SYT1: variants seen among roughly 807,000 people sequenced by gnomAD.
The protein encoded by SYT1 is synaptotagmin-1.
Under a neutral mutation model 44.8 loss-of-function variants are expected in SYT1, and 8 were observed. The observed-to-expected ratio is 0.18, with a 90% CI of 0.10 to 0.32. The LOEUF (loss-of-function observed/expected upper bound fraction) is 0.32, where lower values mean the gene tolerates loss of function less well. Ranked by LOEUF, SYT1 falls within the 10% of genes least tolerant of loss-of-function variation. The probability of loss-of-function intolerance (pLI) is 1.00; values close to 1 mark genes in which losing one functional copy is unlikely to be tolerated. For synonymous variants in SYT1, 154 were observed against 188.8 expected (o/e 0.82, Z 1.51); for missense variants, 286 against 509.3 (o/e 0.56, Z 4.22).
At chr12:78,973,916 CAAAAAAAAAAAAA>C (rs1162433648) in intron 1 of SYT1, among the ~76,000 whole-genome samples, 103 of 9,034 alleles carry the variant, frequency 0.011, 1 homozygote, top group African/African-American at 0.043. Flanking sequence ...AGACGAACAC[CAAAAAAAAAAAAA>C]AAAAAAAAAA....
At chr12:79,268,507 G>A (rs564901036) in intron 4 of SYT1, among the ~76,000 whole-genome samples, 1 of 152,278 alleles carries the variant, frequency 6.6e-6, no homozygotes, top group East Asian at 1.9e-4. Flanking sequence ...AAATGGATGA[G>A]TGAATGAATG....
chr12:79,074,490 C>T (rs957826133), intron 3 of SYT1, among the ~76,000 whole-genome samples: 1 of 152,160 alleles, frequency 6.6e-6, no homozygotes, highest in Non-Finnish European at 1.5e-5. Flanking sequence ...CACCTTTATC[C>T]TCTCATTAAG....
Position 79,249,868 on chromosome 12 carries a change from C to A in SYT1, c.166+32183C>A, listed in dbSNP as rs150118029. On this transcript the variant is annotated intron_variant, in intron 4 of 10. Coordinates refer to ENST00000261205, the MANE Select transcript of SYT1 (RefSeq NM_005639.3). ...GAATGTAAAGTATCAAAGTTTTGAACCCCAACATCAGAAGTGAATCTCCAA... is the reference window on the plus strand; with the variant it reads ...GAATGTAAAGTATCAAAGTTTTGAAACCCAACATCAGAAGTGAATCTCCAA... Among the ~76,000 whole-genome samples the A allele has an allele frequency of 3.0e-3, 449 of 152,064 alleles. 3 individuals carry two copies. Among genetic ancestry groups the A allele is most frequent in the African/African-American group, 0.01 (423 of 41,478 alleles).
intron 1 of SYT1, among the ~76,000 whole-genome samples, chr12:78,898,956 A>G (rs551852698): frequency 3.9e-5 from 6 of 152,108 alleles, no homozygotes; most frequent in African/African-American, 1.4e-4. Flanking sequence ...ATATAAAATG[A>G]CCTGTTGGTT....
At chr12:78,865,931 AC>A (rs1452558089) in intron 1 of SYT1, among the ~76,000 whole-genome samples, 122 of 148,712 alleles carry the variant, frequency 8.2e-4, no homozygotes, top group African/African-American at 2.8e-3. Context: ...AAAAAAAAAA[AC>A]AATTAAAATA....
intron 3 of SYT1, among the ~76,000 whole-genome samples, chr12:79,107,191 A>G (rs919580248): frequency 7.2e-5 from 11 of 152,012 alleles, no homozygotes; most frequent in African/African-American, 2.4e-4. Context: ...TTTAAAACAT[A>G]AAGAGTTCAA....
At chr12:79,406,705 A>T (rs1319376608) in intron 9 of SYT1, among the ~76,000 whole-genome samples, 1 of 152,136 alleles carries the variant, frequency 6.6e-6, no homozygotes. Context: ...CAGTTCTGCT[A>T]CTTGATAGTG....
At chr12:79,403,654 AAGAG>A (rs141969640) in intron 9 of SYT1, among the ~76,000 whole-genome samples, 200 of 152,172 alleles carry the variant, frequency 1.3e-3, no homozygotes, top group African/African-American at 4.4e-3. Context: ...AGATATTAGA[AAGAG>A]AGAGAGAGAC....
At chr12:79,291,296 C>CA (rs1424541112) in intron 5 of SYT1, among the ~76,000 whole-genome samples, 1 of 152,124 alleles carries the variant, frequency 6.6e-6, no homozygotes, top group Admixed American at 6.6e-5. Context: ...GACAGAACTG[C>CA]AAACTTAACT....
rs181635711 is a variant in SYT1 at position 79,108,133 on chromosome 12, A to C, written c.-18+60771A>C. Among the ~76,000 whole-genome samples, 293 of 152,116 alleles carry C rather than the reference A, an allele frequency of 1.9e-3. 1 individual carries two copies. Among genetic ancestry groups the C allele is most frequent in the African/African-American group, 6.8e-3 (281 of 41,568 alleles). ...AAGAAAAAAGAGCAAAGATGAAGATATGCACCAAGCTGATAACAATATAAT... is the reference window on the plus strand; with the variant it reads ...AAGAAAAAAGAGCAAAGATGAAGATCTGCACCAAGCTGATAACAATATAAT... On this transcript the variant is annotated intron_variant, in intron 3 of 10. Coordinates refer to ENST00000261205, the MANE Select transcript of SYT1 (RefSeq NM_005639.3).
At chr12:79,279,616 A>T (rs1482121838) in intron 4 of SYT1, among the ~76,000 whole-genome samples, 1 of 152,120 alleles carries the variant, frequency 6.6e-6, no homozygotes, top group Non-Finnish European at 1.5e-5. Flanking sequence ...TCCCAGTTTT[A>T]CCACTTCCAT....
Position 79,046,990 on chromosome 12 carries a change from T to A in SYT1, c.-83-307T>A, listed in dbSNP as rs373435445. Among the ~76,000 whole-genome samples the A allele has an allele frequency of 1.1e-4, 16 of 152,072 alleles. 1 individual carries two copies. The highest frequency in any genetic ancestry group is 5.8e-4 in the East Asian group (3 of 5,184). On this transcript the variant is annotated intron_variant, in intron 2 of 10. Transcript: ENST00000261205. ...TCTTAATAAATGTAATATTCTCTAA[T>A]GTCTGCCTAGATTAGTGTTACTCTA...
At chr12:79,183,488 A>G (rs1238638199) in intron 3 of SYT1, among the ~76,000 whole-genome samples, 2 of 152,138 alleles carry the variant, frequency 1.3e-5, no homozygotes, top group Admixed American at 6.6e-5. Context: ...ACATCCCACA[A>G]TGCACAGGAG....
chr12:79,048,953 T>A (rs1339051585), intron 3 of SYT1, among the ~76,000 whole-genome samples: 1 of 151,906 alleles, frequency 6.6e-6, no homozygotes, highest in Non-Finnish European at 1.5e-5. Context: ...AGTTTTGTTT[T>A]TATATATATA....
chr12:79,445,014 A>G (rs1870627547), intron 10 of SYT1, among the ~76,000 whole-genome samples: 2 of 152,060 alleles, frequency 1.3e-5, no homozygotes, highest in Non-Finnish European at 2.9e-5. Flanking sequence ...AAGCAACACT[A>G]TTTTTACATT....
intron 3 of SYT1, among the ~76,000 whole-genome samples, chr12:79,068,457 G>A (rs1876029539): frequency 2.6e-5 from 4 of 152,030 alleles, no homozygotes; most frequent in Admixed American, 2.6e-4. Context: ...AAAATACTCT[G>A]GGGATAAACT....
chr12:79,350,110 TAAGCCACAAACAC>T (rs541898278), intron 8 of SYT1, among the ~76,000 whole-genome samples: 419 of 152,230 alleles, frequency 2.8e-3, no homozygotes, highest in Admixed American at 5.9e-3. Flanking sequence ...GCTTACTATA[TAAGCCACAAACAC>T]AAGCCTTGTT....
chr12:79,434,454 C>A lies in SYT1; in HGVS notation c.929-9619C>A, dbSNP rs143050241. Among the ~76,000 whole-genome samples the A allele has an allele frequency of 4.6e-5, 7 of 152,152 alleles. No individual in the cohort carries two copies. In the East Asian group the frequency reaches 1.2e-3, roughly 25 times the overall value. ...TACTTGTAAATTATTTATAAAGACC[C>A]CCTCAAGTAAATGTGTTGAAACTGC... On this transcript the variant is annotated intron_variant, in intron 9 of 10. Transcript: ENST00000261205.
At chr12:79,151,102 C>A (rs923696222) in intron 3 of SYT1, among the ~76,000 whole-genome samples, 12 of 152,060 alleles carry the variant, frequency 7.9e-5, no homozygotes, top group Admixed American at 2.6e-4. Flanking sequence ...AGTCCTGTGT[C>A]CCAATGACAG....
Sources: gnomAD v4.1 joint callset for allele counts (sites outside exome capture counted in the v4.1 genomes callset) on GRCh38, gnomAD v4.1.1 for gene constraint, MANE v1.5 for transcripts, NCBI Gene and HGNC (gene_info 2026-07-23, HGNC 2026-07-21) for gene names.